Variants in MIGA1 observed in about 807,000 individuals in gnomAD.
The protein encoded by MIGA1 is mitoguardin 1.
A neutral mutation model predicts 82.0 loss-of-function variants in MIGA1; 58 were observed. The ratio of observed to expected loss-of-function variants is 0.71; its 90% CI spans 0.57 to 0.88. The LOEUF is 0.88. Among genes scored for constraint, MIGA1 ranks in the 40% least tolerant of loss-of-function variants. MIGA1 has a pLI of 0.00. For missense variants in MIGA1, 751 were observed against 749.1 expected (o/e 1.00, Z -0.03); for synonymous variants, 249 against 253.6 (o/e 0.98, Z 0.17).
chr1:77,788,360 A>G (rs1682265221), intron 2 of MIGA1, among the ~76,000 whole-genome samples: 2 of 152,110 alleles, frequency 1.3e-5, no homozygotes, highest in African/African-American at 4.8e-5. Flanking sequence ...GCTGGTCTCG[A>G]ACTCCTGACC....
intron 4 of MIGA1, 73 bp downstream of exon 4, chr1:77,803,479 CAT>C (rs1346186578): frequency 3.3e-6 from 2 of 601,958 alleles, no homozygotes; most frequent in Admixed American, 8.2e-5. Flanking sequence ...GTTTAAGTGT[CAT>C]ATACTTATAG....
Position 77,876,322 on chromosome 1 carries a change from A to G in MIGA1, c.*1258A>G, listed in dbSNP as rs2101994354. On this transcript the variant is annotated 3_prime_UTR_variant, in exon 16 of 16. Transcript: ENST00000370791. ...GACCCTATCTCAGAAGTGAATAAAT[A>G]AAACAAATACAGCATTTAAATGAAT... 1.3e-5 allele frequency: 2 copies of G among 152,322 alleles called. No homozygotes were observed. Among genetic ancestry groups the G allele is most frequent in the Admixed American group, 1.3e-4 (2 of 15,294 alleles). The allele number at this position is 152,322 out of a possible 1,614,324, so 9.4% of individuals were successfully genotyped here. A position where few individuals can be genotyped will look rare whatever the true frequency, so the allele number is the denominator to read the frequency against.
In MIGA1 at chr1:77,873,037, A is replaced by G. The variant is rs180835894; in HGVS notation, c.1597A>G (p.Ile533Val). ...TGGATTTTTTGCCCATTTTTATGCC[A>G]TTTGTGAACACATCAGTCCTGTCCT... Residue 533 changes from isoleucine (I) to valine (V), a missense_variant, in exon 15 of 16, where the codon ATT becomes GTT. This residue lies in a region of MIGA1 where 265 missense variants were observed against 293.6 expected (regional missense o/e 0.90). Transcript: ENST00000370791. 39 of 1,614,032 alleles carry G rather than the reference A, an allele frequency of 2.4e-5. No individual in the cohort carries two copies. In the Admixed American group the frequency reaches 2.5e-4, roughly 10 times the overall value.
intron 7 of MIGA1, among the ~76,000 whole-genome samples, chr1:77,842,280 A>G (rs1364933255): frequency 6.6e-6 from 1 of 152,226 alleles, no homozygotes; most frequent in Non-Finnish European, 1.5e-5. Flanking sequence ...TAACAATTAG[A>G]TTCCTGATAA....
At chr1:77,841,474 A>G (rs1684624317) in intron 7 of MIGA1, among the ~76,000 whole-genome samples, 1 of 150,524 alleles carries the variant, frequency 6.6e-6, no homozygotes, top group African/African-American at 2.4e-5. Flanking sequence ...TAGGAATTCT[A>G]TACTAGGAAT....
At chr1:77,805,648 G>T (rs947753241) in intron 4 of MIGA1, among the ~76,000 whole-genome samples, 2 of 151,182 alleles carry the variant, frequency 1.3e-5, no homozygotes, top group African/African-American at 4.9e-5. Context: ...TCCTGCCTCA[G>T]CCTCCCGAGT....
intron 8 of MIGA1, among the ~76,000 whole-genome samples, chr1:77,856,531 T>A (rs532533883): frequency 9.8e-5 from 15 of 152,314 alleles, no homozygotes; most frequent in African/African-American, 3.1e-4. Context: ...GGTAATTTTT[T>A]AATTACCATT....
At chr1:77,783,097 T>C in intron 1 of MIGA1, 141 bp from the exon 2 acceptor site, 1 of 496,714 alleles carries the variant, frequency 2.0e-6, no homozygotes, top group Non-Finnish European at 3.3e-6. Context: ...TTAATAAATA[T>C]AATTTTAGCT....
chr1:77,782,975 T>C, intron 1 of MIGA1: 1 of 659,720 alleles, frequency 1.5e-6, no homozygotes, highest in Non-Finnish European at 1.9e-6. Context: ...AAGGAAAATT[T>C]GCTACCCGGA....
intron 15 of MIGA1, 105 bp from the exon 16 acceptor site, chr1:77,874,741 G>A: frequency 1.4e-6 from 1 of 737,860 alleles, no homozygotes; most frequent in Non-Finnish European, 2.3e-6. Context: ...AGCACTGGAA[G>A]TCAGGTCTTC....
At chr1:77,779,817 G>A in intron 1 of MIGA1, 81 bp downstream of exon 1, 1 of 1,470,812 alleles carries the variant, frequency 6.8e-7, no homozygotes, top group South Asian at 1.3e-5. Context: ...TTGGGGCAGA[G>A]GCCTCGGGGC....
intron 7 of MIGA1, among the ~76,000 whole-genome samples, chr1:77,827,158 A>T (rs1333830641): frequency 6.6e-6 from 1 of 151,796 alleles, no homozygotes; most frequent in Non-Finnish European, 1.5e-5. Context: ...GCCCAGCTGG[A>T]GTGCAGTGGC....
At chr1:77,851,876 C>CTTTTT (rs374230686) in intron 8 of MIGA1, among the ~76,000 whole-genome samples, 33 of 120,348 alleles carry the variant, frequency 2.7e-4, no homozygotes, top group Non-Finnish European at 3.8e-4. Flanking sequence ...AGTTTTCTTT[C>CTTTTT]TTTTTTTTTT....
chr1:77,859,723 T>C (rs1685393640), intron 10 of MIGA1: 3 of 371,244 alleles, frequency 8.1e-6, no homozygotes, highest in Admixed American at 8.5e-5. Flanking sequence ...AATTATAAAA[T>C]TGATTTTCTA....
intron 7 of MIGA1, among the ~76,000 whole-genome samples, chr1:77,837,676 A>G (rs902768570): frequency 1.3e-5 from 2 of 152,344 alleles, no homozygotes; most frequent in Non-Finnish European, 2.9e-5. Flanking sequence ...TAAATAGCAG[A>G]CATTCCTTAG....
chr1:77,861,483 G>C, intron 12 of MIGA1, 161 bp downstream of exon 12: 2 of 548,488 alleles, frequency 3.6e-6, no homozygotes, highest in South Asian at 5.1e-5. Flanking sequence ...CTCCTTGTAC[G>C]TTGGGGCAGT....
chr1:77,867,795 G>A (rs1050168018), intron 14 of MIGA1, among the ~76,000 whole-genome samples: 1 of 152,186 alleles, frequency 6.6e-6, no homozygotes, highest in African/African-American at 2.4e-5. Context: ...ATTGCCAGTT[G>A]CAGTGATTTT....
chr1:77,844,111 A>ATATATAT (rs1333128709), intron 8 of MIGA1, among the ~76,000 whole-genome samples: 5 of 53,798 alleles, frequency 9.3e-5, no homozygotes, highest in African/African-American at 3.1e-4. Flanking sequence ...AAAAAAAAAA[A>ATATATAT]AAATATATAT....
chr1:77,864,702 T>G (rs1685597972), intron 13 of MIGA1, among the ~76,000 whole-genome samples: 1 of 152,138 alleles, frequency 6.6e-6, no homozygotes. Context: ...CTGGGTAGAT[T>G]GTTAAGATTT....
Sources: gnomAD v4.1 joint callset for allele counts (sites outside exome capture counted in the v4.1 genomes callset) on GRCh38, gnomAD v4.1.1 for gene constraint, gnomAD v4.1.1 regional missense constraint, MANE v1.5 for transcripts, NCBI Gene and HGNC (gene_info 2026-07-23, HGNC 2026-07-21) for gene names.